The following AKT1 variants were observed in gnomAD, a reference collection of about 807,000 sequenced individuals.
The protein encoded by AKT1 is AKT serine/threonine kinase 1.
In AKT1, 21 loss-of-function variants were observed where a neutral mutation model predicts 63.1. The ratio of observed to expected loss-of-function variants is 0.33; its 90% CI spans 0.24 to 0.48. The LOEUF (loss-of-function observed/expected upper bound fraction) is 0.48. Ranked by LOEUF, AKT1 falls within the 20% of genes least tolerant of loss-of-function variation. The pLI is 0.99. For missense variants in AKT1, 382 were observed against 666.0 expected (o/e 0.57, Z 4.69); for synonymous variants, 257 against 253.1 (o/e 1.02, Z -0.15).
At chr14:104,770,492 G>A in intron 14 of AKT1, 72 bp from the exon 15 acceptor site, 4 of 1,427,282 alleles carry the variant, frequency 2.8e-6, no homozygotes, top group Non-Finnish European at 2.8e-6. Context: ...AGCTCCAGTA[G>A]GAAGCCAACC....
chr14:104,792,244 T>C (rs974608471), intron 3 of AKT1, among the ~76,000 whole-genome samples: 1 of 152,136 alleles, frequency 6.6e-6, no homozygotes, highest in Non-Finnish European at 1.5e-5. Flanking sequence ...CAGGAGCCCT[T>C]GGGCAGTGCC....
At chr14:104,770,492 G>C (rs1287626366) in intron 14 of AKT1, 72 bp from the exon 15 acceptor site, 1 of 1,427,162 alleles carries the variant, frequency 7.0e-7, no homozygotes, top group Non-Finnish European at 9.5e-7. Flanking sequence ...AGCTCCAGTA[G>C]GAAGCCAACC....
intron 6 of AKT1, 172 bp downstream of exon 6, chr14:104,775,480 G>A: frequency 9.1e-7 from 1 of 1,100,814 alleles, no homozygotes; most frequent in Admixed American, 2.8e-5. Flanking sequence ...CTCTGACATG[G>A]GGAAGAGGAC....
intron 3 of AKT1, among the ~76,000 whole-genome samples, chr14:104,783,224 C>A (rs1893158015): frequency 6.6e-6 from 1 of 152,126 alleles, no homozygotes; most frequent in Non-Finnish European, 1.5e-5. Flanking sequence ...CCTTCACTAT[C>A]CTGAGGGTCC....
At chr14:104,775,606 G>A (rs2140921475) in intron 6 of AKT1, 46 bp downstream of exon 6, 1 of 1,602,674 alleles carries the variant, frequency 6.2e-7, no homozygotes, top group East Asian at 2.2e-5. Flanking sequence ...GCCCTCCACA[G>A]TCCAAGGCAG....
In AKT1 at chr14:104,772,937, C is replaced by G. The variant is rs747408700; in HGVS notation, c.1113G>C (p.Thr371=). The G allele has an allele frequency of 1.9e-6, 3 of 1,613,824 alleles. No homozygotes were observed. The East Asian group carries it at 6.7e-5, about 36-fold the overall frequency. Residue 371 remains threonine (T), a synonymous_variant, in exon 12 of 15, where the codon ACG becomes ACC. Coordinates refer to ENST00000649815, the MANE Select transcript of AKT1 (RefSeq NM_001382430.1). Reference sequence around the variant, plus strand: ...GCAAGGACTTGGCCTCGGGACCAAGCGTGCGCGGGAAGCGGATCTCCTCCA... The same window carrying G: ...GCAAGGACTTGGCCTCGGGACCAAGGGTGCGCGGGAAGCGGATCTCCTCCA... ...ILMEEIRFPR[T]LGPEAKSLLS... is the part of the protein sequence containing the mutation.
Position 104,769,698 on chromosome 14 carries a change from CAACAT to C in AKT1, c.*638_*642del. ...TAAAAACCCCCAAAATGCATTTGAACAACATAATACACAATAACAAATTTAAACCT... is the reference window on the plus strand; with the variant it reads ...TAAAAACCCCCAAAATGCATTTGAACAATACACAATAACAAATTTAAACCT... On this transcript the variant is annotated 3_prime_UTR_variant, in exon 15 of 15. Transcript: ENST00000649815. 1 of 432,418 alleles carries C rather than the reference CAACAT, an allele frequency of 2.3e-6. No individual in the cohort carries two copies. The highest frequency in any genetic ancestry group is 4.4e-6 in the Non-Finnish European group (1 of 225,260). 26.8% of individuals were successfully genotyped at this position (432,418 alleles called of 1,614,324 possible). A position where few individuals can be genotyped will look rare whatever the true frequency, so the allele number is the denominator to read the frequency against.
chr14:104,775,943 C>G (rs1435806174), intron 5 of AKT1, 144 bp from the exon 6 acceptor site: 1 of 958,286 alleles, frequency 1.0e-6, no homozygotes, highest in Admixed American at 2.6e-5. Flanking sequence ...ACCACTTGAC[C>G]TGGTCTGGCC....
At chr14:104,783,211 T>A (rs1893157611) in intron 3 of AKT1, among the ~76,000 whole-genome samples, 1 of 151,992 alleles carries the variant, frequency 6.6e-6, no homozygotes, top group African/African-American at 2.4e-5. Flanking sequence ...CATGGAGTCT[T>A]CTCCTTCACT....
intron 3 of AKT1, among the ~76,000 whole-genome samples, chr14:104,790,784 G>A (rs1893588409): frequency 6.6e-6 from 1 of 152,192 alleles, no homozygotes; most frequent in Non-Finnish European, 1.5e-5. Context: ...AGGCTGCTGA[G>A]GCTGGCCGGA....
chr14:104,783,220 C>T (rs1353927621), intron 3 of AKT1, among the ~76,000 whole-genome samples: 1 of 152,144 alleles, frequency 6.6e-6, no homozygotes, highest in Non-Finnish European at 1.5e-5. Flanking sequence ...TTCTCCTTCA[C>T]TATCCTGAGG....
At chr14:104,770,466 A>G in intron 14 of AKT1, 46 bp from the exon 15 acceptor site, 4 of 1,502,438 alleles carry the variant, frequency 2.7e-6, no homozygotes, top group Non-Finnish European at 3.6e-6. Flanking sequence ...CCTCCCTGCC[A>G]CCTCCACCCA....
chr14:104,793,042 G>A (rs182207541), intron 2 of AKT1, 85 bp downstream of exon 2: 69 of 337,990 alleles, frequency 2.0e-4, no homozygotes, highest in African/African-American at 1.2e-3. Flanking sequence ...GAGAGCTGCT[G>A]CCTTGCTCAC....
intron 2 of AKT1, 35 bp from the exon 3 acceptor site, chr14:104,792,757 C>T (rs963166148): frequency 1.3e-5 from 18 of 1,359,452 alleles, no homozygotes; most frequent in South Asian, 3.5e-5. Flanking sequence ...TGTGAGGCCA[C>T]GCCTGGCTAA....
In AKT1 at chr14:104,792,556, A is replaced by G. The variant is rs2494749; in HGVS notation, c.46+42T>C. 0.89 allele frequency: 1,426,886 copies of G among 1,610,000 alleles called. 642,265 individuals carry two copies. The highest frequency in any genetic ancestry group is 0.93 in the Non-Finnish European group (1,092,562 of 1,178,694). On this transcript the variant is annotated intron_variant, in intron 3 of 14. Transcript: ENST00000649815. The stretch of plus-strand genomic sequence containing the variant: ...CACAGACCCTGGGGCTACTACCCCC[A>G]TCTCTCCCTCCCCAGGCCCAGCCCT...
rs1893850340 is a variant in AKT1 at position 104,795,525 on chromosome 14, C to T, written c.-299G>A. On this transcript the variant is annotated 5_prime_UTR_variant, in exon 1 of 15. Coordinates refer to ENST00000649815, the MANE Select transcript of AKT1 (RefSeq NM_001382430.1). The surrounding 1 kb of genome is among the most constrained non-coding windows in gnomAD (Gnocchi z 5.1). ...GGCGCGAGCGCGGGCCTAGCCGGGCCGCGGCCTCCGGCGCCCGCCGCTCCG... is the reference window on the plus strand; with the variant it reads ...GGCGCGAGCGCGGGCCTAGCCGGGCTGCGGCCTCCGGCGCCCGCCGCTCCG... 6.9e-6 allele frequency: 1 copy of T among 145,794 alleles called. No individual in the cohort carries two copies. The highest frequency in any genetic ancestry group is 1.5e-5 in the Non-Finnish European group (1 of 65,646). 9.0% of individuals were successfully genotyped at this position (145,794 alleles called of 1,614,324 possible). A position where few individuals can be genotyped will look rare whatever the true frequency, so the allele number is the denominator to read the frequency against.
At chr14:104,785,151 C>G (rs753999836) in intron 3 of AKT1, among the ~76,000 whole-genome samples, 14 of 152,190 alleles carry the variant, frequency 9.2e-5, no homozygotes, top group Admixed American at 2.0e-4. Flanking sequence ...TTTACCTTCT[C>G]CAGCACATTG....
intron 3 of AKT1, among the ~76,000 whole-genome samples, chr14:104,785,101 T>G (rs1008592766): frequency 6.6e-6 from 1 of 152,180 alleles, no homozygotes; most frequent in African/African-American, 2.4e-5. Context: ...TGGTCCCCAC[T>G]GCCGACACAT....
At chr14:104,772,309 G>T in intron 13 of AKT1, 56 bp downstream of exon 13, 1 of 1,575,912 alleles carries the variant, frequency 6.3e-7, no homozygotes, top group Non-Finnish European at 8.7e-7. Context: ...GTGCATGCGT[G>T]AGTGTGGATA....
Sources: gnomAD v4.1 joint callset for allele counts (sites outside exome capture counted in the v4.1 genomes callset) on GRCh38, gnomAD v4.1.1 for gene constraint, Gnocchi (gnomAD v3.1) non-coding constraint, MANE v1.5 for transcripts, NCBI Gene and HGNC (gene_info 2026-07-23, HGNC 2026-07-21) for gene names.